PRKG1: variants seen among roughly 807,000 people sequenced by gnomAD.
The protein encoded by PRKG1 is protein kinase cGMP-dependent 1, also known as cGMP-dependent protein kinase 1.
PRKG1 carries 35 observed loss-of-function variants against 88.1 expected under a neutral mutation model. That is an observed-to-expected ratio of 0.40 (90% CI 0.30 to 0.53). PRKG1 has a LOEUF of 0.53. PRKG1 is among the 20% of genes least tolerant of loss of function. The pLI, the probability that PRKG1 is intolerant of heterozygous loss-of-function variation, is 0.59. For synonymous variants in PRKG1, 303 were observed against 292.5 expected (o/e 1.04, Z -0.37); for missense variants, 540 against 839.8 (o/e 0.64, Z 4.41).
At chr10:51,295,150 A>AT (rs1439930569) in intron 2 of PRKG1, among the ~76,000 whole-genome samples, 2 of 152,084 alleles carry the variant, frequency 1.3e-5, no homozygotes, top group African/African-American at 4.8e-5. Flanking sequence ...GAATTTTAGT[A>AT]TTTTTTTCTA....
intron 3 of PRKG1, among the ~76,000 whole-genome samples, chr10:51,694,628 A>G (rs1295537107): frequency 6.6e-6 from 1 of 152,230 alleles, no homozygotes; most frequent in African/African-American, 2.4e-5. Flanking sequence ...GCCCAAGAGG[A>G]TAAGCCTTAA....
chr10:51,734,782 G>C (rs1837220900), intron 3 of PRKG1, among the ~76,000 whole-genome samples: 1 of 152,124 alleles, frequency 6.6e-6, no homozygotes, highest in South Asian at 2.1e-4. Flanking sequence ...CCACTGAAAA[G>C]TTCAATAGTA....
intron 7 of PRKG1, among the ~76,000 whole-genome samples, chr10:52,120,161 G>T (rs1847786672): frequency 6.6e-6 from 1 of 152,052 alleles, no homozygotes; most frequent in Non-Finnish European, 1.5e-5. Flanking sequence ...CCTCAGTAAG[G>T]ACATTAATTC....
intron 7 of PRKG1, among the ~76,000 whole-genome samples, chr10:52,083,922 T>G (rs913086736): frequency 6.6e-6 from 1 of 152,074 alleles, no homozygotes; most frequent in Non-Finnish European, 1.5e-5. Flanking sequence ...AAATCTTTTG[T>G]GGCTTATTCT....
chr10:51,115,407 A>C (rs1315856942), intron 1 of PRKG1, among the ~76,000 whole-genome samples: 1 of 54,438 alleles, frequency 1.8e-5, no homozygotes, highest in East Asian at 8.0e-4. Context: ...AAAGGGGGAG[A>C]GACAGAGAGA....
intron 1 of PRKG1, among the ~76,000 whole-genome samples, chr10:51,123,888 G>T (rs1011069054): frequency 6.6e-6 from 1 of 152,048 alleles, no homozygotes. Flanking sequence ...AGGCGCGAGA[G>T]AGTGAAGGGA....
intron 9 of PRKG1, among the ~76,000 whole-genome samples, chr10:52,175,651 C>T (rs1838844564): frequency 6.6e-6 from 1 of 152,028 alleles, no homozygotes; most frequent in African/African-American, 2.4e-5. Context: ...ATCCTCACAA[C>T]CATTTGTTAT....
intron 2 of PRKG1, among the ~76,000 whole-genome samples, chr10:51,314,108 T>A (rs940280062): frequency 5.9e-5 from 9 of 152,178 alleles, no homozygotes; most frequent in African/African-American, 2.2e-4. Context: ...TCAGAAACTT[T>A]AATACACAGA....
intron 2 of PRKG1, among the ~76,000 whole-genome samples, chr10:51,330,282 C>G (rs565027492): frequency 5.9e-5 from 9 of 151,790 alleles, no homozygotes; most frequent in Admixed American, 5.9e-4. Context: ...TCCCGAGTAG[C>G]TGGGATTGCA....
intron 3 of PRKG1, chr10:51,699,104 A>C (rs780440813): frequency 1.9e-6 from 3 of 1,614,196 alleles, no homozygotes; most frequent in South Asian, 1.1e-5. Context: ...TTGGACACAG[A>C]GCTTCATCTG....
chr10:51,848,491 G>A (rs1840460830), intron 4 of PRKG1, among the ~76,000 whole-genome samples: 1 of 152,028 alleles, frequency 6.6e-6, no homozygotes, highest in African/African-American at 2.4e-5. Flanking sequence ...TTCATATGTT[G>A]ACATATAGCA....
chr10:51,513,713 C>G (rs1841490822), intron 3 of PRKG1, among the ~76,000 whole-genome samples: 2 of 104,896 alleles, frequency 1.9e-5, no homozygotes, highest in South Asian at 8.7e-4. Flanking sequence ...CGCTCAACTA[C>G]ATGGAAACTG....
intron 3 of PRKG1, among the ~76,000 whole-genome samples, chr10:51,573,036 C>A (rs10998250): frequency 0.074 from 11,189 of 151,830 alleles, 1,377 homozygotes; most frequent in African/African-American, 0.25. Context: ...TGTCTCATTT[C>A]CCTACTCCAC....
At chr10:51,608,144 C>A (rs1005761632) in intron 3 of PRKG1, among the ~76,000 whole-genome samples, 1 of 152,154 alleles carries the variant, frequency 6.6e-6, no homozygotes, top group African/African-American at 2.4e-5. Flanking sequence ...CAGTCATGTG[C>A]TGCGTAACAA....
intron 10 of PRKG1, among the ~76,000 whole-genome samples, chr10:52,262,177 A>G (rs12768182): frequency 0.46 from 70,230 of 152,052 alleles, 18,354 homozygotes; most frequent in Non-Finnish European, 0.6. Flanking sequence ...TCATTCTTAT[A>G]TAACACTTCT....
At chr10:52,086,903 T>C (rs1051260376) in intron 7 of PRKG1, among the ~76,000 whole-genome samples, 7 of 152,122 alleles carry the variant, frequency 4.6e-5, no homozygotes, top group African/African-American at 1.7e-4. Flanking sequence ...AAACATGTCC[T>C]TTTTCACATG....
At chr10:51,594,312 G>A (rs1564565468) in intron 3 of PRKG1, among the ~76,000 whole-genome samples, 1 of 152,154 alleles carries the variant, frequency 6.6e-6, no homozygotes, top group Non-Finnish European at 1.5e-5. Context: ...ACAGAATTGA[G>A]CCACCATGCC....
At chr10:51,146,382 T>C (rs1845949506) in intron 1 of PRKG1, among the ~76,000 whole-genome samples, 1 of 151,934 alleles carries the variant, frequency 6.6e-6, no homozygotes, top group Non-Finnish European at 1.5e-5. Context: ...ATGTCTTCTT[T>C]TGAGATATGT....
chr10:52,192,956 C>T (rs1292892407), intron 9 of PRKG1, among the ~76,000 whole-genome samples: 1 of 151,908 alleles, frequency 6.6e-6, no homozygotes, highest in Non-Finnish European at 1.5e-5. Context: ...TATTAATTTT[C>T]GTCTTTGTTA....
Sources: allele counts gnomAD v4.1 joint callset (sites outside exome capture counted in the v4.1 genomes callset), GRCh38; gene constraint gnomAD v4.1.1; transcripts MANE v1.5; gene names NCBI Gene and HGNC (gene_info 2026-07-23, HGNC 2026-07-21).